Variants in SNX24 observed in about 807,000 individuals in gnomAD.
SNX24 encodes the protein sorting nexin 24.
Under a neutral mutation model 28.7 loss-of-function variants are expected in SNX24, and 22 were observed. That is an observed-to-expected ratio of 0.77 (90% CI 0.55 to 1.10). The LOEUF (loss-of-function observed/expected upper bound fraction) is 1.10, where lower values mean the gene tolerates loss of function less well. Ranked by LOEUF, SNX24 falls within the 50% of genes least tolerant of loss-of-function variation. The pLI, the probability that SNX24 is intolerant of heterozygous loss-of-function variation, is 0.00. For synonymous variants in SNX24, 69 were observed against 71.5 expected, an observed-to-expected ratio of 0.96 and a Z score of 0.18; for missense variants, 221 against 201.1, an observed-to-expected ratio of 1.10 and a Z score of -0.60.
chr5:122,923,018 T>A (rs1758509813), intron 1 of SNX24, among the ~76,000 whole-genome samples: 1 of 152,112 alleles, frequency 6.6e-6, no homozygotes. Context: ...GATCTATCTA[T>A]CTATCTTTAT....
At chr5:122,951,278 A>G (rs1419005259) in intron 3 of SNX24, among the ~76,000 whole-genome samples, 4 of 150,308 alleles carry the variant, frequency 2.7e-5, no homozygotes. Context: ...AAAAAAAAAA[A>G]AAAAGAAAAA....
intron 1 of SNX24, among the ~76,000 whole-genome samples, chr5:122,876,600 C>T (rs1359258644): frequency 6.6e-6 from 1 of 152,198 alleles, no homozygotes; most frequent in East Asian, 1.9e-4. Context: ...TTTGTGCTTA[C>T]TACAGGCCAT....
chr5:122,865,903 A>T (rs1436336743), intron 1 of SNX24, among the ~76,000 whole-genome samples: 1 of 152,234 alleles, frequency 6.6e-6, no homozygotes, highest in Non-Finnish European at 1.5e-5. Flanking sequence ...AGAATCCTTG[A>T]GTGATGTTTA....
chr5:122,987,249 G>C (rs548955086), intron 3 of SNX24, among the ~76,000 whole-genome samples: 9 of 152,120 alleles, frequency 5.9e-5, no homozygotes, highest in Non-Finnish European at 1.2e-4. Context: ...AATAGTTTTC[G>C]AGTGTGGTTC....
intron 5 of SNX24, chr5:123,026,027 G>A: frequency 7.0e-7 from 1 of 1,423,428 alleles, no homozygotes. Context: ...CTCTTCAAAG[G>A]GAAACATAAG....
chr5:123,008,043 G>A lies in SNX24; in HGVS notation c.*294G>A. ...CACAGGAGATTCCTGGGAGCACTGG[G>A]TGTAGCAAAACAAAGCCACTCTCTG... is the stretch of plus-strand genomic sequence containing the variant. On this transcript the variant is annotated 3_prime_UTR_variant, in exon 7 of 7. Transcript: ENST00000261369. 4.6e-6 allele frequency: 5 copies of A among 1,090,078 alleles called. No individual in the cohort carries two copies. The highest frequency in any genetic ancestry group is 5.6e-6 in the Non-Finnish European group (5 of 896,944). 67.5% of individuals were successfully genotyped at this position (1,090,078 alleles called of 1,614,324 possible).
At chr5:122,918,983 AATTACAACTTTTTGTCGCTT>A (rs1409113584) in intron 1 of SNX24, among the ~76,000 whole-genome samples, 2 of 152,194 alleles carry the variant, frequency 1.3e-5, no homozygotes, top group African/African-American at 4.8e-5. Flanking sequence ...CTCTTAGTGC[AATTACAACTTTTTGTCGCTT>A]ATTAAGACTT....
At chr5:122,973,461 AG>A (rs890122876) in intron 3 of SNX24, among the ~76,000 whole-genome samples, 1 of 152,212 alleles carries the variant, frequency 6.6e-6, no homozygotes, top group Non-Finnish European at 1.5e-5. Context: ...TATGTGAACC[AG>A]GACCTAGTCA....
At chr5:122,976,023 A>T (rs549833369) in intron 3 of SNX24, among the ~76,000 whole-genome samples, 2 of 152,176 alleles carry the variant, frequency 1.3e-5, no homozygotes, top group Non-Finnish European at 2.9e-5. Context: ...ACATTGCCCA[A>T]TAAGAGGGGA....
At chr5:122,884,600 A>T (rs1311686596) in intron 1 of SNX24, among the ~76,000 whole-genome samples, 1 of 151,960 alleles carries the variant, frequency 6.6e-6, no homozygotes, top group Non-Finnish European at 1.5e-5. Context: ...TAAAATCTGT[A>T]CTCTATAATT....
At chr5:123,014,507 A>C (rs1449054050) in intron 5 of SNX24, among the ~76,000 whole-genome samples, 1 of 151,964 alleles carries the variant, frequency 6.6e-6, no homozygotes, top group East Asian at 1.9e-4. Context: ...CGCTTAAATC[A>C]GAACTAGTAT....
intron 3 of SNX24, among the ~76,000 whole-genome samples, chr5:122,985,937 G>A (rs931717289): frequency 6.6e-6 from 1 of 152,200 alleles, no homozygotes; most frequent in African/African-American, 2.4e-5. Flanking sequence ...CCAGTGGACA[G>A]AAGCCAAGTA....
intron 3 of SNX24, among the ~76,000 whole-genome samples, chr5:122,946,835 G>T (rs539268596): frequency 1.3e-5 from 2 of 152,298 alleles, no homozygotes; most frequent in African/African-American, 4.8e-5. Flanking sequence ...GGCCCCAGGC[G>T]AGTACTCAGT....
chr5:122,977,126 GT>G (rs1432060709), intron 3 of SNX24, among the ~76,000 whole-genome samples: 3 of 152,106 alleles, frequency 2.0e-5, no homozygotes, highest in African/African-American at 7.2e-5. Flanking sequence ...GGTGTACTTT[GT>G]TTTCCTTTGA....
chr5:123,003,757 G>A (rs535921980), intron 6 of SNX24, among the ~76,000 whole-genome samples: 1 of 152,338 alleles, frequency 6.6e-6, no homozygotes, highest in African/African-American at 2.4e-5. Flanking sequence ...TAAATGTCTT[G>A]AATTGGAAAG....
intron 2 of SNX24, among the ~76,000 whole-genome samples, 156 bp downstream of exon 2, chr5:122,936,973 A>T (rs1759207105): frequency 6.6e-6 from 1 of 152,176 alleles, no homozygotes. Context: ...GGAATAAGTT[A>T]TTCAGTTCCT....
At position 123,024,937 on chromosome 5, in the gene SNX24, A is replaced by C. The variant is rs529621501; in HGVS notation, n.384-4301A>C. 2.6e-5 allele frequency among the ~76,000 whole-genome samples: 4 copies of C among 152,312 alleles called. No individual in the cohort carries two copies. The South Asian group carries it at 8.3e-4, about 32-fold the overall frequency. On this transcript the variant is annotated intron_variant and non_coding_transcript_variant, in intron 5 of 5. Transcript: ENST00000502387. ...CACCTGTAAGGCAGAAATATTGAGA[A>C]AGAAAGGGAATGAGGGTTTTAAGAA...
chr5:123,029,034 A>G, intron 5 of SNX24: 4 of 828,100 alleles, frequency 4.8e-6, no homozygotes, highest in Non-Finnish European at 7.3e-6. Flanking sequence ...TTAGCTGACC[A>G]AAAAATAAAT....
At chr5:123,016,144 T>TC (rs1224879325) in intron 5 of SNX24, among the ~76,000 whole-genome samples, 1 of 152,210 alleles carries the variant, frequency 6.6e-6, no homozygotes, top group East Asian at 1.9e-4. Context: ...AATAATGTGA[T>TC]ATTGGCTGGA....
Sources: allele counts gnomAD v4.1 joint callset (sites outside exome capture counted in the v4.1 genomes callset), GRCh38; gene constraint gnomAD v4.1.1; transcripts MANE v1.5; gene names NCBI Gene and HGNC (gene_info 2026-07-23, HGNC 2026-07-21).